CDC27: variants seen among roughly 807,000 people sequenced by gnomAD.
CDC27 encodes the protein cell division cycle 27.
Under a neutral mutation model 109.7 loss-of-function variants are expected in CDC27, and 27 were observed. That is an observed-to-expected ratio of 0.25 (90% CI 0.18 to 0.34). CDC27 has a LOEUF of 0.34. Among genes scored for constraint, CDC27 ranks in the 10% least tolerant of loss-of-function variants. The probability of loss-of-function intolerance (pLI) is 1.00; values close to 1 mark genes in which losing one functional copy is unlikely to be tolerated. For missense variants in CDC27, 579 were observed against 960.2 expected, an observed-to-expected ratio of 0.60 and a Z score of 5.25; for synonymous variants, 266 against 333.9, an observed-to-expected ratio of 0.80 and a Z score of 2.22.
chr17:47,171,751 CATA>C (rs2063817449), intron 3 of CDC27, among the ~76,000 whole-genome samples, 163 bp downstream of exon 3: 1 of 152,068 alleles, frequency 6.6e-6, no homozygotes, highest in Non-Finnish European at 1.5e-5. Context: ...ATGAAATCTC[CATA>C]ATATAAATAA....
At chr17:47,135,564 C>T (rs1322168492) in intron 14 of CDC27, among the ~76,000 whole-genome samples, 3 of 152,062 alleles carry the variant, frequency 2.0e-5, no homozygotes, top group Non-Finnish European at 4.4e-5. Context: ...AAACACTATG[C>T]TAATGATAGT....
chr17:47,176,710 C>T (rs994010181), intron 2 of CDC27, among the ~76,000 whole-genome samples: 15 of 151,952 alleles, frequency 9.9e-5, no homozygotes, highest in Admixed American at 7.2e-4. Flanking sequence ...AGGCAGGGAA[C>T]GGGAGATAAG....
chr17:47,184,559 A>C (rs1216861314), intron 1 of CDC27, among the ~76,000 whole-genome samples: 1 of 152,210 alleles, frequency 6.6e-6, no homozygotes, highest in African/African-American at 2.4e-5. Flanking sequence ...GGCGGGGGGA[A>C]AAAAGAAGGA....
chr17:47,149,693 G>T (rs2063096310), intron 9 of CDC27, among the ~76,000 whole-genome samples: 1 of 152,072 alleles, frequency 6.6e-6, no homozygotes, highest in Non-Finnish European at 1.5e-5. Flanking sequence ...GGTAGCTCAT[G>T]CCTGTAATCC....
chr17:47,186,328 G>A (rs1281502617), intron 1 of CDC27, among the ~76,000 whole-genome samples: 1 of 152,124 alleles, frequency 6.6e-6, no homozygotes, highest in African/African-American at 2.4e-5. Flanking sequence ...CCAGCCAAGA[G>A]TACTCCTTCA....
chr17:47,189,076 G>C, intron 1 of CDC27, 70 bp downstream of exon 1: 1 of 1,549,736 alleles, frequency 6.5e-7, no homozygotes, highest in South Asian at 1.1e-5. Flanking sequence ...CCAGGCCGCG[G>C]AGTGGCCCTA....
At chr17:47,162,831 G>T (rs2063535429) in intron 4 of CDC27, among the ~76,000 whole-genome samples, 1 of 152,066 alleles carries the variant, frequency 6.6e-6, no homozygotes, top group East Asian at 1.9e-4. Flanking sequence ...CCACAAAACA[G>T]AAGAAATTTA....
At chr17:47,139,969 A>ATACCTC (rs2062745014) in intron 12 of CDC27, 1 of 152,096 alleles carries the variant, frequency 6.6e-6, no homozygotes, top group African/African-American at 2.4e-5. Context: ...GCTGCCAGAA[A>ATACCTC]AGGTCTAGGT....
intron 9 of CDC27, among the ~76,000 whole-genome samples, chr17:47,150,807 C>A (rs567800702): frequency 9.3e-4 from 141 of 152,174 alleles, no homozygotes; most frequent in African/African-American, 3.3e-3. Context: ...CTGAGGCAGG[C>A]GGATCACCTG....
At chr17:47,136,976 T>C (rs550037000) in intron 14 of CDC27, among the ~76,000 whole-genome samples, 176 bp downstream of exon 14, 4 of 152,372 alleles carry the variant, frequency 2.6e-5, no homozygotes, top group African/African-American at 9.6e-5. Flanking sequence ...TTTAAGAGTT[T>C]GTTAAAGACG....
chr17:47,152,988 T>C (rs1488940453), intron 8 of CDC27, among the ~76,000 whole-genome samples: 1 of 152,212 alleles, frequency 6.6e-6, no homozygotes, highest in Non-Finnish European at 1.5e-5. Flanking sequence ...TTTTCCTCTA[T>C]GACTAACTTT....
chr17:47,121,150 A>G (rs2061972534), intron 18 of CDC27, 133 bp from the exon 19 acceptor site: 1 of 621,336 alleles, frequency 1.6e-6, no homozygotes, highest in South Asian at 1.9e-5. Context: ...AAAAATCCTC[A>G]TATCCTTTAA....
At chr17:47,137,052 G>A in intron 14 of CDC27, 100 bp downstream of exon 14, 1 of 599,104 alleles carries the variant, frequency 1.7e-6, no homozygotes, top group South Asian at 2.8e-5. Flanking sequence ...CTAAGTATAA[G>A]TAACCAAATT....
intron 4 of CDC27, among the ~76,000 whole-genome samples, chr17:47,164,224 G>A (rs2063577680): frequency 2.0e-5 from 3 of 152,186 alleles, no homozygotes; most frequent in South Asian, 2.1e-4. Flanking sequence ...GCCTAGGTGT[G>A]TAGTAGGCTA....
chr17:47,158,538 C>G (rs2059155267), intron 4 of CDC27, among the ~76,000 whole-genome samples: 1 of 151,916 alleles, frequency 6.6e-6, no homozygotes, highest in East Asian at 1.9e-4. Flanking sequence ...TTGAATATTA[C>G]TATTACTTTA....
Position 47,157,394 on chromosome 17 carries a change from C to CAA in CDC27, c.476-12_476-11dup, listed in dbSNP as rs11372544. 22,655 of 1,380,712 alleles carry CAA rather than the reference C, an allele frequency of 0.016. 4 individuals carry two copies. Among genetic ancestry groups the CAA allele is most frequent in the Non-Finnish European group, 0.018 (18,620 of 1,016,196 alleles). 85.5% of individuals were successfully genotyped at this position (1,380,712 alleles called of 1,614,324 possible). On this transcript the variant is annotated splice_polypyrimidine_tract_variant and intron_variant, in intron 5 of 18. Transcript: ENST00000066544. ...GGATCTGGCTTTTCACCTGTGAAGA[C>CAA]AAAAAAAAAAAAAGTTTGTCTCTGA...
At chr17:47,154,558 T>A in intron 8 of CDC27, 114 bp downstream of exon 8, 1 of 606,942 alleles carries the variant, frequency 1.6e-6, no homozygotes, top group East Asian at 2.8e-5. Context: ...TGGGTTCAAA[T>A]ATAAGGCAAA....
At chr17:47,179,819 G>A (rs1332825997) in intron 2 of CDC27, among the ~76,000 whole-genome samples, 2 of 152,118 alleles carry the variant, frequency 1.3e-5, no homozygotes, top group Non-Finnish European at 2.9e-5. Flanking sequence ...AGCTTTATGT[G>A]GACTAATCTG....
intron 12 of CDC27, chr17:47,139,701 T>C (rs2062735462): frequency 1.3e-5 from 2 of 152,188 alleles, no homozygotes; most frequent in Admixed American, 1.3e-4. Context: ...ATCAATCCTA[T>C]GGTTATAAAT....
Sources: allele counts gnomAD v4.1 joint callset (sites outside exome capture counted in the v4.1 genomes callset), GRCh38; gene constraint gnomAD v4.1.1; transcripts MANE v1.5; gene names NCBI Gene and HGNC (gene_info 2026-07-23, HGNC 2026-07-21).